The following FRMD4A variants were observed in gnomAD, a reference collection of about 807,000 sequenced individuals.
FRMD4A encodes FERM domain containing 4A, also known as FERM domain-containing protein 4A.
Under a neutral mutation model 129.1 loss-of-function variants are expected in FRMD4A, and 29 were observed. The observed-to-expected ratio is 0.22, with a 90% CI of 0.17 to 0.31. The LOEUF (loss-of-function observed/expected upper bound fraction) is 0.31. FRMD4A is among the 10% of genes least tolerant of loss of function. FRMD4A has a pLI of 1.00. For synonymous variants in FRMD4A, 634 were observed against 571.6 expected (o/e 1.11, Z -1.56); for missense variants, 1,272 against 1,375.8 (o/e 0.92, Z 1.19).
intron 2 of FRMD4A, among the ~76,000 whole-genome samples, chr10:13,867,211 C>T (rs373780122): frequency 3.4e-4 from 52 of 152,202 alleles, no homozygotes; most frequent in Admixed American, 3.1e-3. Flanking sequence ...TATCCAATAG[C>T]GTTATGATGT....
At chr10:13,892,698 A>G (rs10437550) in intron 2 of FRMD4A, among the ~76,000 whole-genome samples, 3,635 of 152,242 alleles carry the variant, frequency 0.024, 138 homozygotes, top group East Asian at 0.17. Context: ...AGAATTTCCA[A>G]CCTGCACCCA....
At chr10:14,184,314 T>A (rs987078463) in intron 2 of FRMD4A, among the ~76,000 whole-genome samples, 40 of 147,880 alleles carry the variant, frequency 2.7e-4, no homozygotes, top group Non-Finnish European at 5.5e-4. Flanking sequence ...TTTTTTTTTT[T>A]AGTAGAGATG....
intron 2 of FRMD4A, among the ~76,000 whole-genome samples, chr10:13,863,926 A>G (rs1315250482): frequency 1.3e-5 from 2 of 152,140 alleles, no homozygotes; most frequent in South Asian, 2.1e-4. Context: ...TGCTGCCCAC[A>G]CCACACAGGG....
intron 2 of FRMD4A, among the ~76,000 whole-genome samples, chr10:13,878,739 C>T (rs139558864): frequency 0.013 from 1,840 of 142,820 alleles, 37 homozygotes; most frequent in African/African-American, 0.045. Context: ...GGCGACACAG[C>T]GAGACTCCAT....
intron 2 of FRMD4A, among the ~76,000 whole-genome samples, chr10:13,905,550 A>G (rs563728316): frequency 4.6e-5 from 7 of 152,226 alleles, no homozygotes; most frequent in African/African-American, 1.4e-4. Context: ...GTTATAACCT[A>G]AACTATTAAT....
chr10:13,932,959 G>C (rs1342322482), intron 2 of FRMD4A, among the ~76,000 whole-genome samples: 1 of 152,036 alleles, frequency 6.6e-6, no homozygotes, highest in African/African-American at 2.4e-5. Flanking sequence ...TGAGGATTTC[G>C]AGACCATCCT....
intron 2 of FRMD4A, among the ~76,000 whole-genome samples, chr10:14,322,167 G>A (rs1843084964): frequency 6.6e-6 from 1 of 152,144 alleles, no homozygotes; most frequent in Non-Finnish European, 1.5e-5. Context: ...AGGTATGAGA[G>A]AGTAGAGGCC....
chr10:13,756,037 TGC>T (rs1485688987), intron 8 of FRMD4A: 10 of 152,242 alleles, frequency 6.6e-5, no homozygotes, highest in Non-Finnish European at 1.5e-4. Flanking sequence ...CTTTTCCAGG[TGC>T]TGTTTGCTTT....
chr10:13,925,468 T>C (rs957182704), intron 2 of FRMD4A, among the ~76,000 whole-genome samples: 2 of 151,628 alleles, frequency 1.3e-5, no homozygotes, highest in Non-Finnish European at 2.9e-5. Context: ...AAAGGCAGCA[T>C]GCAAATGCTC....
chr10:13,857,010 T>C (rs1052562580), intron 3 of FRMD4A, among the ~76,000 whole-genome samples: 1 of 152,100 alleles, frequency 6.6e-6, no homozygotes, highest in Non-Finnish European at 1.5e-5. Context: ...TTCTGCTAAT[T>C]AACGAGATCT....
At chr10:14,237,599 C>G (rs1350858393) in intron 2 of FRMD4A, among the ~76,000 whole-genome samples, 3 of 152,120 alleles carry the variant, frequency 2.0e-5, no homozygotes, top group African/African-American at 7.2e-5. Context: ...CAAAAGTGCT[C>G]GGATTACAGA....
chr10:14,134,190 T>C (rs1205181261), intron 2 of FRMD4A, among the ~76,000 whole-genome samples: 3 of 152,264 alleles, frequency 2.0e-5, no homozygotes, highest in Non-Finnish European at 4.4e-5. Flanking sequence ...CCCATTCTGC[T>C]GTATAGCATA....
intron 3 of FRMD4A, among the ~76,000 whole-genome samples, chr10:13,817,706 C>T (rs190722369): frequency 5.3e-5 from 8 of 152,304 alleles, no homozygotes; most frequent in African/African-American, 7.2e-5. Context: ...CTTTGCCTTC[C>T]GCCGTGATTG....
chr10:13,682,219 G>A (rs1304070839), intron 15 of FRMD4A, among the ~76,000 whole-genome samples: 1 of 151,880 alleles, frequency 6.6e-6, no homozygotes, highest in South Asian at 2.1e-4. Context: ...GCAAGACCCC[G>A]TCTGAAACCC....
intron 17 of FRMD4A, among the ~76,000 whole-genome samples, chr10:13,669,835 T>G (rs928446179): frequency 4.6e-5 from 7 of 152,180 alleles, no homozygotes; most frequent in African/African-American, 1.4e-4. Context: ...TCTTCACCCG[T>G]GTTCAGTCCA....
intron 2 of FRMD4A, among the ~76,000 whole-genome samples, chr10:14,082,030 C>T (rs751563475): frequency 4.6e-5 from 7 of 152,162 alleles, no homozygotes; most frequent in African/African-American, 9.7e-5. Flanking sequence ...AGGTGGATCA[C>T]GAGGTCAGAG....
At chr10:14,014,610 G>C (rs1382465865) in intron 2 of FRMD4A, among the ~76,000 whole-genome samples, 2 of 152,154 alleles carry the variant, frequency 1.3e-5, no homozygotes, top group Non-Finnish European at 2.9e-5. Flanking sequence ...ATAATTTTCT[G>C]TTTGAAAACT....
At chr10:13,845,117 A>G (rs1053542831) in intron 3 of FRMD4A, among the ~76,000 whole-genome samples, 20 of 152,302 alleles carry the variant, frequency 1.3e-4, no homozygotes, top group African/African-American at 4.8e-4. Flanking sequence ...AACCATTGAA[A>G]TCATGTTTTC....
chr10:14,122,804 C>T (rs578194617), intron 2 of FRMD4A, among the ~76,000 whole-genome samples: 20 of 152,142 alleles, frequency 1.3e-4, no homozygotes, highest in South Asian at 6.3e-4. Context: ...CAGATCCAAA[C>T]CATTTCAGGG....
Sources: gnomAD v4.1 joint callset for allele counts (sites outside exome capture counted in the v4.1 genomes callset) on GRCh38, gnomAD v4.1.1 for gene constraint, MANE v1.5 for transcripts, NCBI Gene and HGNC (gene_info 2026-07-23, HGNC 2026-07-21) for gene names.